The following ARHGAP12 variants were observed in gnomAD, a reference collection of about 807,000 sequenced individuals.
ARHGAP12 encodes the protein Rho GTPase activating protein 12, also known as rho GTPase-activating protein 12.
ARHGAP12 carries 64 observed loss-of-function variants against 108.6 expected under a neutral mutation model. The observed-to-expected ratio is 0.59, with a 90% CI of 0.48 to 0.73. The LOEUF (loss-of-function observed/expected upper bound fraction) is 0.73, where lower values mean the gene tolerates loss of function less well. ARHGAP12 is among the 30% of genes least tolerant of loss of function. ARHGAP12 has a pLI of 0.00. For missense variants in ARHGAP12, 940 were observed against 1,005.9 expected (o/e 0.93, Z 0.89); for synonymous variants, 312 against 337.2 (o/e 0.93, Z 0.82).
In ARHGAP12 at chr10:31,908,443, G is replaced by T. The variant is rs769250973; in HGVS notation, c.413C>A (p.Pro138His). Residue 138 changes from proline (P) to histidine (H), a missense_variant, in exon 3 of 20, where the codon CCC (proline) becomes CAC (histidine). Pro to His is a moderately conservative substitution (Grantham distance 77). Coordinates refer to ENST00000344936, the MANE Select transcript of ARHGAP12 (RefSeq NM_018287.7). The stretch of plus-strand genomic sequence containing the variant: ...GACAGTCTGACCTTGATTATAACTG[G>T]GTCCAAAATTCTGATTGGCATCACG... ...LIRDANQNFGPSYNQGQTVNL... is the reference protein window; with the variant it reads ...LIRDANQNFGHSYNQGQTVNL... 4 of 1,614,006 alleles carry T rather than the reference G, an allele frequency of 2.5e-6. No homozygotes were observed. The East Asian group carries it at 6.7e-5, about 27-fold the overall frequency.
chr10:31,827,181 GA>G (rs1053193963), intron 10 of ARHGAP12, among the ~76,000 whole-genome samples: 4 of 152,054 alleles, frequency 2.6e-5, no homozygotes, highest in African/African-American at 7.2e-5. Context: ...TAAAGCTTTT[GA>G]ATATTACACC....
chr10:31,809,893 G>T (rs1721472972), intron 16 of ARHGAP12, among the ~76,000 whole-genome samples: 1 of 152,074 alleles, frequency 6.6e-6, no homozygotes, highest in African/African-American at 2.4e-5. Flanking sequence ...TTCATTAAAT[G>T]ATAATAATGT....
At chr10:31,872,982 A>T (rs1837597681) in intron 3 of ARHGAP12, among the ~76,000 whole-genome samples, 1 of 152,186 alleles carries the variant, frequency 6.6e-6, no homozygotes, top group Non-Finnish European at 1.5e-5. Flanking sequence ...TAAAGAACTG[A>T]TTCAAACTCT....
At chr10:31,915,481 A>G (rs1839516637) in intron 1 of ARHGAP12, among the ~76,000 whole-genome samples, 2 of 152,152 alleles carry the variant, frequency 1.3e-5, no homozygotes, top group African/African-American at 4.8e-5. Flanking sequence ...AGGACATACA[A>G]TCATAGTCAA....
chr10:31,827,808 AAC>A (rs920185629), intron 10 of ARHGAP12, among the ~76,000 whole-genome samples: 2 of 151,786 alleles, frequency 1.3e-5, no homozygotes, highest in African/African-American at 4.8e-5. Flanking sequence ...AAAAAACAAA[AAC>A]AAAAAAAAAA....
rs1379441169 is a variant in ARHGAP12, at chr10:31,854,140, G to A, written c.1015C>T (p.Pro339Ser). 2 of 1,613,942 alleles carry A rather than the reference G, an allele frequency of 1.2e-6. No individual in the cohort carries two copies. Among genetic ancestry groups the A allele is most frequent in the Non-Finnish European group, 8.5e-7 (1 of 1,179,922 alleles). ...AACTCTTCTGACCAACCCCTTGGAGGAGAACCACACTGACTATCTGACTGG... is the reference window on the plus strand; with the variant it reads ...AACTCTTCTGACCAACCCCTTGGAGAAGAACCACACTGACTATCTGACTGG... The part of the protein sequence containing the change: ...YSQSDSQCGS[P>S]PRGWSEELDE... The change falls in exon 5 of 20, where the codon CCT (proline) becomes TCT (serine). Residue 339 changes from proline (P) to serine (S), a missense_variant. Physicochemically the swap from Pro to Ser is moderately conservative, Grantham distance 74 (BLOSUM62 -1). Coordinates refer to ENST00000344936, the MANE Select transcript of ARHGAP12 (RefSeq NM_018287.7).
At chr10:31,924,164 C>T (rs1839935005) in intron 1 of ARHGAP12, among the ~76,000 whole-genome samples, 1 of 152,290 alleles carries the variant, frequency 6.6e-6, no homozygotes, top group South Asian at 2.1e-4. Context: ...TAAAGTTAAA[C>T]ATACGCTTAC....
At chr10:31,866,948 G>T (rs1052066962) in intron 3 of ARHGAP12, among the ~76,000 whole-genome samples, 1 of 152,106 alleles carries the variant, frequency 6.6e-6, no homozygotes, top group Non-Finnish European at 1.5e-5. Flanking sequence ...GGAATCTAAA[G>T]TTGGATGGCA....
intron 5 of ARHGAP12, among the ~76,000 whole-genome samples, chr10:31,853,008 G>A (rs568718286): frequency 3.2e-4 from 48 of 152,218 alleles, no homozygotes; most frequent in Non-Finnish European, 5.0e-4. Flanking sequence ...GATTATAGGC[G>A]TCAGCCACGG....
chr10:31,894,400 T>C lies in ARHGAP12; in HGVS notation c.684+13772A>G, dbSNP rs558914567. Among the ~76,000 whole-genome samples, 11 of 152,156 alleles carry C rather than the reference T, an allele frequency of 7.2e-5. No homozygotes were observed. The South Asian group carries it at 2.1e-3, about 29-fold the overall frequency. On this transcript the variant is annotated intron_variant, in intron 3 of 19. Coordinates refer to ENST00000344936, the MANE Select transcript of ARHGAP12 (RefSeq NM_018287.7). ...AAGCTGATAAGCAACTTCAGCAAAG[T>C]CTCAGGATACAAAATCAATGTGCAA... is the stretch of plus-strand genomic sequence containing the variant.
At chr10:31,858,803 CACA>C (rs1836996178) in intron 4 of ARHGAP12, among the ~76,000 whole-genome samples, 1 of 152,058 alleles carries the variant, frequency 6.6e-6, no homozygotes, top group Non-Finnish European at 1.5e-5. Flanking sequence ...GATGTAAACC[CACA>C]ACAACAGGGA....
chr10:31,820,625 T>A, intron 11 of ARHGAP12, 137 bp from the exon 12 acceptor site: 1 of 444,188 alleles, frequency 2.3e-6, no homozygotes, highest in Admixed American at 4.3e-5. Context: ...TATTATAAAG[T>A]AACAATTTCT....
chr10:31,889,041 C>T (rs1838301139), intron 3 of ARHGAP12, among the ~76,000 whole-genome samples: 1 of 152,120 alleles, frequency 6.6e-6, no homozygotes, highest in Non-Finnish European at 1.5e-5. Context: ...TCCCTAGTAG[C>T]TGGGATTACA....
intron 4 of ARHGAP12, among the ~76,000 whole-genome samples, chr10:31,857,350 T>C (rs1291740132): frequency 6.6e-6 from 1 of 152,194 alleles, no homozygotes; most frequent in African/African-American, 2.4e-5. Flanking sequence ...ATTCAAGGAT[T>C]GACTTAACAT....
chr10:31,904,081 C>T (rs1479499578), intron 3 of ARHGAP12, among the ~76,000 whole-genome samples: 1 of 152,148 alleles, frequency 6.6e-6, no homozygotes, highest in African/African-American at 2.4e-5. Context: ...CATGCAACTA[C>T]TTTATGAACA....
intron 3 of ARHGAP12, among the ~76,000 whole-genome samples, chr10:31,885,477 C>G (rs1838156480): frequency 6.6e-6 from 1 of 152,254 alleles, no homozygotes; most frequent in South Asian, 2.1e-4. Flanking sequence ...GCTTTGCCTA[C>G]TTTCCAACAA....
chr10:31,917,961 T>C (rs551219020), intron 1 of ARHGAP12, among the ~76,000 whole-genome samples: 1 of 152,152 alleles, frequency 6.6e-6, no homozygotes, highest in Admixed American at 6.6e-5. Flanking sequence ...ACCTTTTTTT[T>C]TTTTCTTTTG....
At chr10:31,853,822 C>T (rs1299518529) in intron 5 of ARHGAP12, among the ~76,000 whole-genome samples, 1 of 152,124 alleles carries the variant, frequency 6.6e-6, no homozygotes, top group Non-Finnish European at 1.5e-5. Context: ...AAATGACATT[C>T]AACAGGTGTA....
At chr10:31,820,988 G>A (rs548276433) in intron 11 of ARHGAP12, among the ~76,000 whole-genome samples, 35 of 151,988 alleles carry the variant, frequency 2.3e-4, no homozygotes, top group Non-Finnish European at 3.8e-4. Flanking sequence ...TGTACACAAA[G>A]GCAATACTCT....
Sources: gnomAD v4.1 joint callset for allele counts (sites outside exome capture counted in the v4.1 genomes callset) on GRCh38, gnomAD v4.1.1 for gene constraint, MANE v1.5 for transcripts, NCBI Gene and HGNC (gene_info 2026-07-23, HGNC 2026-07-21) for gene names.